The following ESRP1 variants were observed in gnomAD, a reference collection of about 807,000 sequenced individuals.
ESRP1 encodes RNA-binding motif protein 35A.
A neutral mutation model predicts 81.7 loss-of-function variants in ESRP1; 33 were observed. The observed-to-expected ratio is 0.40, with a 90% CI of 0.31 to 0.54. ESRP1 has a LOEUF of 0.54. Among genes scored for constraint, ESRP1 ranks in the 20% least tolerant of loss-of-function variants. ESRP1 has a pLI of 0.41. For missense variants in ESRP1, 672 were observed against 833.1 expected (o/e 0.81, Z 2.38); for synonymous variants, 320 against 303.3 (o/e 1.06, Z -0.57).
At position 94,688,370 on chromosome 8, in the gene ESRP1, G is replaced by A. The variant is rs1352533622; in HGVS notation, c.1821-4307G>A. ...GATGATGAAGCATGGTTACAATGGC[G>A]AATTTGAAGTCATTTGAGATCACAG... On this transcript the variant is annotated intron_variant, in intron 13 of 15. Transcript: ENST00000433389. 2.9e-5 allele frequency: 8 copies of A among 273,008 alleles called. No individual in the cohort carries two copies. The East Asian group carries it at 4.1e-4, about 14-fold the overall frequency. 16.9% of individuals were successfully genotyped at this position (273,008 alleles called of 1,614,324 possible). A position where few individuals can be genotyped will look rare whatever the true frequency, so the allele number is the denominator to read the frequency against.
intron 13 of ESRP1, among the ~76,000 whole-genome samples, chr8:94,692,371 G>A (rs563411868): frequency 2.0e-5 from 3 of 152,098 alleles, no homozygotes; most frequent in East Asian, 1.9e-4. Flanking sequence ...GCTGGGCCTC[G>A]GAAGTGGTGC....
At chr8:94,691,254 TAG>T (rs1809391243) in intron 13 of ESRP1, among the ~76,000 whole-genome samples, 1 of 152,158 alleles carries the variant, frequency 6.6e-6, no homozygotes, top group South Asian at 2.1e-4. Context: ...TATCTCATAA[TAG>T]AGAGTTGTTT....
chr8:94,688,277 G>T, intron 13 of ESRP1: 1 of 166,374 alleles, frequency 6.0e-6, no homozygotes, highest in Non-Finnish European at 1.3e-5. Flanking sequence ...CATCAACAAT[G>T]TCAAAACAAG....
intron 13 of ESRP1, among the ~76,000 whole-genome samples, chr8:94,679,201 T>C (rs932786090): frequency 5.9e-5 from 9 of 152,222 alleles, no homozygotes; most frequent in African/African-American, 1.9e-4. Context: ...ATGTTTTTTA[T>C]TTTGTTAGAA....
chr8:94,690,506 T>TA (rs1809358443), intron 13 of ESRP1, among the ~76,000 whole-genome samples: 1 of 152,114 alleles, frequency 6.6e-6, no homozygotes, highest in African/African-American at 2.4e-5. Context: ...AAATTTTTCT[T>TA]ACGATTCCTT....
chr8:94,641,671 C>T (rs1025628340), intron 1 of ESRP1: 5 of 739,396 alleles, frequency 6.8e-6, no homozygotes, highest in Admixed American at 3.0e-5. Context: ...GTGGAGAGGC[C>T]GGCGCTACCG....
chr8:94,661,897 A>C (rs548137074), intron 4 of ESRP1, among the ~76,000 whole-genome samples: 11 of 152,368 alleles, frequency 7.2e-5, no homozygotes, highest in Admixed American at 6.5e-4. Flanking sequence ...TAATGTCACC[A>C]TATCATGAAG....
chr8:94,695,213 G>A (rs1192293825), intron 14 of ESRP1, among the ~76,000 whole-genome samples: 10 of 151,876 alleles, frequency 6.6e-5, no homozygotes, highest in African/African-American at 2.4e-5. Flanking sequence ...TAGAGTGCAT[G>A]TATTGGCTGT....
In ESRP1 at chr8:94,641,283, TCCCGA is replaced by T; in HGVS notation, c.-32_-28del. 1 of 1,551,512 alleles carries T rather than the reference TCCCGA, an allele frequency of 6.4e-7. No homozygotes were observed. Among genetic ancestry groups the T allele is most frequent in the Non-Finnish European group, 8.8e-7 (1 of 1,131,502 alleles). On this transcript the variant is annotated 5_prime_UTR_variant, in exon 1 of 16. Coordinates refer to ENST00000433389, the MANE Select transcript of ESRP1 (RefSeq NM_017697.4). The stretch of plus-strand genomic sequence containing the variant: ...CTCACTTCCACACCACCTTACCGCC[TCCCGA>T]CCCCCCCTCTCCCCCTCCCCACCTA...
intron 4 of ESRP1, among the ~76,000 whole-genome samples, chr8:94,650,060 G>A (rs939699674): frequency 2.0e-5 from 3 of 151,896 alleles, no homozygotes; most frequent in Non-Finnish European, 2.9e-5. Flanking sequence ...TGAAAGTGCT[G>A]TACCAGAGTG....
At chr8:94,666,620 A>G (rs1334442450) in intron 9 of ESRP1, among the ~76,000 whole-genome samples, 4 of 152,228 alleles carry the variant, frequency 2.6e-5, no homozygotes, top group Non-Finnish European at 4.4e-5. Context: ...TTGCAGCTAT[A>G]GAACTTACCG....
At position 94,650,736 on chromosome 8, in the gene ESRP1, G is replaced by A. The variant is rs116342354; in HGVS notation, c.490+4454G>A. ...AATCATTTTTATTTTTTTTTGAGACGGAGTCTTGCTGTATTGCCCAGGCTG... is the reference window on the plus strand; with the variant it reads ...AATCATTTTTATTTTTTTTTGAGACAGAGTCTTGCTGTATTGCCCAGGCTG... On this transcript the variant is annotated intron_variant, in intron 4 of 15. Transcript: ENST00000433389. Among the ~76,000 whole-genome samples the A allele has an allele frequency of 8.5e-3, 1,289 of 151,524 alleles. 19 individuals carry two copies. Among genetic ancestry groups the A allele is most frequent in the African/African-American group, 0.029 (1,188 of 41,278 alleles).
At chr8:94,687,763 T>C (rs189082847) in intron 13 of ESRP1, among the ~76,000 whole-genome samples, 6 of 152,328 alleles carry the variant, frequency 3.9e-5, no homozygotes, top group Non-Finnish European at 1.5e-5. Flanking sequence ...CATTTTTAAA[T>C]TGGATTATTT....
In ESRP1 at chr8:94,641,295, C is replaced by A. The variant is rs576359980; in HGVS notation, c.-24C>A. 3 of 1,600,100 alleles carry A rather than the reference C, an allele frequency of 1.9e-6. No individual in the cohort carries two copies. Among genetic ancestry groups the A allele is most frequent in the Admixed American group, 1.7e-5 (1 of 59,584 alleles). On this transcript the variant is annotated 5_prime_UTR_variant, in exon 1 of 16. Transcript: ENST00000433389. ...CCACCTTACCGCCTCCCGACCCCCC[C>A]TCTCCCCCTCCCCACCTATCGTCAT... is the stretch of plus-strand genomic sequence containing the variant.
rs58359551 is a variant in ESRP1, at chr8:94,689,811, CTTTTT to C, written c.1821-2845_1821-2841del. Among the ~76,000 whole-genome samples, 45 of 64,662 alleles carry C rather than the reference CTTTTT, an allele frequency of 7.0e-4. No individual in the cohort carries two copies. In the South Asian group the frequency reaches 0.011, roughly 15 times the overall value. The allele number at this position is 64,662 out of a possible 152,430, so 42.4% of individuals were successfully genotyped here. A position where few individuals can be genotyped will look rare whatever the true frequency, so the allele number is the denominator to read the frequency against. ...CACAGGCATGTGCTATGATGCCTGG[CTTTTT>C]TTTTTTTTTTTTTTTTTTTTGATGG... On this transcript the variant is annotated intron_variant, in intron 13 of 15. Coordinates refer to ENST00000433389, the MANE Select transcript of ESRP1 (RefSeq NM_017697.4).
At chr8:94,660,912 A>G (rs1430916258) in intron 4 of ESRP1, among the ~76,000 whole-genome samples, 1 of 152,138 alleles carries the variant, frequency 6.6e-6, no homozygotes, top group Non-Finnish European at 1.5e-5. Flanking sequence ...TGCCACAGCC[A>G]TCCCAACGTT....
In ESRP1 at chr8:94,674,970, T is replaced by C. The variant is rs1381520762; in HGVS notation, c.1651+464T>C. Among the ~76,000 whole-genome samples the C allele has an allele frequency of 2.0e-5, 3 of 152,324 alleles. No individual in the cohort carries two copies. In the East Asian group the frequency reaches 5.8e-4, roughly 29 times the overall value. On this transcript the variant is annotated intron_variant, in intron 12 of 15. Coordinates refer to ENST00000433389, the MANE Select transcript of ESRP1 (RefSeq NM_017697.4). Reference sequence around the variant, plus strand: ...AGTATTTTTTTAACATTTTTGAGCATTTCTGTTGCTCTCCAGGATATCTGG... The same window carrying C: ...AGTATTTTTTTAACATTTTTGAGCACTTCTGTTGCTCTCCAGGATATCTGG...
intron 10 of ESRP1, among the ~76,000 whole-genome samples, chr8:94,668,933 C>T (rs1241064359): frequency 6.6e-6 from 1 of 152,162 alleles, no homozygotes; most frequent in African/African-American, 2.4e-5. Context: ...GCTGGCATTA[C>T]AGCTGCCTGC....
At position 94,641,247 on chromosome 8, in the gene ESRP1, G is replaced by GT. The variant is rs1817567220; in HGVS notation, c.-66dup. 2 of 1,463,780 alleles carry GT rather than the reference G, an allele frequency of 1.4e-6. No individual in the cohort carries two copies. Among genetic ancestry groups the GT allele is most frequent in the South Asian group, 1.2e-5 (1 of 82,064 alleles). The allele number at this position is 1,463,780 out of a possible 1,614,324, so 90.7% of individuals were successfully genotyped here. On this transcript the variant is annotated 5_prime_UTR_variant, in exon 1 of 16. Coordinates refer to ENST00000433389, the MANE Select transcript of ESRP1 (RefSeq NM_017697.4). ...TCTCTTAGAAGAGGGTTTAGCACAG[G>GT]TTTTTTCGTTCTCACTTCCACACCA... is the stretch of plus-strand genomic sequence containing the variant.
Sources: allele counts gnomAD v4.1 joint callset (sites outside exome capture counted in the v4.1 genomes callset), GRCh38; gene constraint gnomAD v4.1.1; transcripts MANE v1.5; gene names NCBI Gene and HGNC (gene_info 2026-07-23, HGNC 2026-07-21).